The following CEP112 variants were observed in gnomAD, a reference collection of about 807,000 sequenced individuals.
CEP112 encodes the protein centrosomal protein of 112 kDa.
A neutral mutation model predicts 153.0 loss-of-function variants in CEP112; 127 were observed. That is an observed-to-expected ratio of 0.83 (90% CI 0.72 to 0.96). The LOEUF (loss-of-function observed/expected upper bound fraction) is 0.96, where lower values mean the gene tolerates loss of function less well. Ranked by LOEUF, CEP112 falls within the 40% of genes least tolerant of loss-of-function variation. CEP112 has a pLI of 0.00. For synonymous variants in CEP112, 358 were observed against 374.4 expected (o/e 0.96, Z 0.51); for missense variants, 1,089 against 1,101.2 (o/e 0.99, Z 0.16).
intron 17 of CEP112, among the ~76,000 whole-genome samples, chr17:65,972,104 T>G (rs1251786889): frequency 6.6e-6 from 1 of 152,158 alleles, no homozygotes; most frequent in Non-Finnish European, 1.5e-5. Flanking sequence ...GAATACACAT[T>G]CATTTCAAGA....
intron 17 of CEP112, among the ~76,000 whole-genome samples, chr17:65,971,533 AATGT>A (rs1178732786): frequency 3.0e-4 from 46 of 151,508 alleles, no homozygotes; most frequent in African/African-American, 9.7e-4. Context: ...GTATCACCTA[AATGT>A]ATGTTGCATG....
chr17:65,931,246 T>C (rs1350049874), intron 18 of CEP112, among the ~76,000 whole-genome samples: 1 of 152,182 alleles, frequency 6.6e-6, no homozygotes, highest in Non-Finnish European at 1.5e-5. Flanking sequence ...CTAGCAACAA[T>C]TCACAGACAA....
At chr17:65,990,080 T>C (rs899676236) in intron 17 of CEP112, among the ~76,000 whole-genome samples, 2 of 152,062 alleles carry the variant, frequency 1.3e-5, no homozygotes, top group Non-Finnish European at 2.9e-5. Context: ...AAGAAAATCA[T>C]GTAACCATAA....
At chr17:66,188,056 T>TA (rs1289555267) in intron 1 of CEP112, among the ~76,000 whole-genome samples, 3 of 152,038 alleles carry the variant, frequency 2.0e-5, no homozygotes, top group South Asian at 2.1e-4. Flanking sequence ...GCCTACCACT[T>TA]ATTTGAACTA....
At chr17:65,985,861 T>TC (rs368149416) in intron 17 of CEP112, among the ~76,000 whole-genome samples, 1 of 151,528 alleles carries the variant, frequency 6.6e-6, no homozygotes, top group African/African-American at 2.4e-5. Context: ...TTTTTTTTTT[T>TC]TAAGAAATCA....
intron 21 of CEP112, among the ~76,000 whole-genome samples, chr17:65,776,034 A>G (rs12939558): frequency 0.51 from 78,123 of 152,006 alleles, 21,707 homozygotes; most frequent in Non-Finnish European, 0.63. Flanking sequence ...ATCAGAGATG[A>G]ACTCGCTGCA....
intron 21 of CEP112, among the ~76,000 whole-genome samples, chr17:65,768,114 C>G (rs918694479): frequency 6.6e-6 from 1 of 152,026 alleles, no homozygotes; most frequent in Non-Finnish European, 1.5e-5. Flanking sequence ...TACTAATAGC[C>G]AACTGTTGAC....
chr17:65,691,376 G>C (rs1246883835), intron 23 of CEP112, among the ~76,000 whole-genome samples: 2 of 152,162 alleles, frequency 1.3e-5, no homozygotes, highest in Non-Finnish European at 2.9e-5. Flanking sequence ...TCTGATGAAA[G>C]CTATGTAGTT....
At chr17:66,163,856 A>G (rs540384113) in intron 4 of CEP112, among the ~76,000 whole-genome samples, 15 of 152,366 alleles carry the variant, frequency 9.8e-5, no homozygotes, top group African/African-American at 3.4e-4. Flanking sequence ...AAACTGTTCA[A>G]TATTACCTGA....
At chr17:65,736,629 G>A (rs888044184) in intron 23 of CEP112, among the ~76,000 whole-genome samples, 33 of 152,232 alleles carry the variant, frequency 2.2e-4, no homozygotes, top group African/African-American at 6.5e-4. Flanking sequence ...GAGGGGTTCC[G>A]AAAGGTAGAT....
At chr17:66,105,683 A>C (rs2068753213) in intron 6 of CEP112, among the ~76,000 whole-genome samples, 1 of 152,052 alleles carries the variant, frequency 6.6e-6, no homozygotes, top group Non-Finnish European at 1.5e-5. Context: ...AGTCTCAGCT[A>C]CTTGGGAGGC....
Position 65,902,351 on chromosome 17 carries a change from G to A in CEP112, c.1981-17C>T. On this transcript the variant is annotated splice_polypyrimidine_tract_variant and intron_variant, in intron 19 of 26. Coordinates refer to ENST00000535342, the MANE Select transcript of CEP112 (RefSeq NM_001199165.4). ...CTCTACTATCTGATTGGACAATGAG[G>A]AGGACAGTTCATCAACAGAACATCC... is the stretch of plus-strand genomic sequence containing the variant. 4 of 1,603,770 alleles carry A rather than the reference G, an allele frequency of 2.5e-6. No homozygotes were observed. Among genetic ancestry groups the A allele is most frequent in the Non-Finnish European group, 3.4e-6 (4 of 1,174,934 alleles).
chr17:65,726,367 A>G (rs1163077888), intron 23 of CEP112, among the ~76,000 whole-genome samples: 2 of 152,104 alleles, frequency 1.3e-5, no homozygotes, highest in Non-Finnish European at 2.9e-5. Flanking sequence ...AAGGATTAAT[A>G]ACAGGACCTC....
chr17:65,716,454 C>T (rs1420809629), intron 23 of CEP112, among the ~76,000 whole-genome samples: 1 of 152,134 alleles, frequency 6.6e-6, no homozygotes, highest in Non-Finnish European at 1.5e-5. Context: ...AGCCACTGTG[C>T]CCAGCCAGCC....
chr17:66,132,778 TA>T lies in CEP112; in HGVS notation c.471-16del, dbSNP rs777245343. On this transcript the variant is annotated splice_polypyrimidine_tract_variant and intron_variant, in intron 4 of 26. Transcript: ENST00000535342. ...ACTGTTCCCTGCTAAGAGACCAAAA[TA>T]ATCGCAATCACAATTTGGAGAATTC... 6.5e-7 allele frequency: 1 copy of T among 1,540,368 alleles called. No homozygotes were observed. Among genetic ancestry groups the T allele is most frequent in the South Asian group, 1.1e-5 (1 of 89,610 alleles).
At chr17:66,100,510 T>A in intron 6 of CEP112, among the ~76,000 whole-genome samples, 1 of 148,030 alleles carries the variant, frequency 6.8e-6, no homozygotes. Flanking sequence ...GAAATAAAAC[T>A]GACATAAAAA....
chr17:65,767,834 G>C (rs966103728), intron 21 of CEP112, among the ~76,000 whole-genome samples: 1 of 151,850 alleles, frequency 6.6e-6, no homozygotes, highest in African/African-American at 2.4e-5. Context: ...GAAAGAAATA[G>C]CTTGAACAGG....
chr17:66,115,747 A>G (rs1352329912), intron 6 of CEP112, among the ~76,000 whole-genome samples: 1 of 152,096 alleles, frequency 6.6e-6, no homozygotes, highest in African/African-American at 2.4e-5. Flanking sequence ...TCATTCAGAG[A>G]GATTAATCTG....
intron 19 of CEP112, among the ~76,000 whole-genome samples, chr17:65,905,558 T>G (rs2060039699): frequency 6.6e-6 from 1 of 152,210 alleles, no homozygotes; most frequent in South Asian, 2.1e-4. Flanking sequence ...CTCAAGAATC[T>G]AGAAACAGAA....
Sources: allele counts gnomAD v4.1 joint callset (sites outside exome capture counted in the v4.1 genomes callset), GRCh38; gene constraint gnomAD v4.1.1; transcripts MANE v1.5; gene names NCBI Gene and HGNC (gene_info 2026-07-23, HGNC 2026-07-21).